Variants in GRM5 observed in about 807,000 individuals in gnomAD.
GRM5 encodes glutamate metabotropic receptor 5.
In GRM5, 19 loss-of-function variants were observed where a neutral mutation model predicts 83.1. That is an observed-to-expected ratio of 0.23 (90% CI 0.16 to 0.34). The LOEUF (loss-of-function observed/expected upper bound fraction) is 0.34, where lower values mean the gene tolerates loss of function less well. Ranked by LOEUF, GRM5 falls within the 10% of genes least tolerant of loss-of-function variation. The probability of loss-of-function intolerance (pLI) is 1.00; values close to 1 mark genes in which losing one functional copy is unlikely to be tolerated. For synonymous variants in GRM5, 675 were observed against 633.6 expected, an observed-to-expected ratio of 1.07 and a Z score of -0.98; for missense variants, 1,160 against 1,588.3, an observed-to-expected ratio of 0.73 and a Z score of 4.58.
chr11:88,687,036 A>T (rs527542257), intron 3 of GRM5, among the ~76,000 whole-genome samples: 1 of 151,964 alleles, frequency 6.6e-6, no homozygotes, highest in African/African-American at 2.4e-5. Context: ...TACTCCCAGC[A>T]TTTCATCTGG....
At chr11:88,528,471 G>A (rs1941930854) in intron 8 of GRM5, among the ~76,000 whole-genome samples, 1 of 151,848 alleles carries the variant, frequency 6.6e-6, no homozygotes, top group Non-Finnish European at 1.5e-5. Context: ...CTCAACTGTT[G>A]AGTTTAAAAA....
intron 9 of GRM5, among the ~76,000 whole-genome samples, chr11:88,514,516 T>C (rs1378181237): frequency 1.3e-5 from 2 of 152,020 alleles, no homozygotes; most frequent in Non-Finnish European, 2.9e-5. Context: ...TGGTACACCA[T>C]CATTAGGAAG....
intron 2 of GRM5, among the ~76,000 whole-genome samples, chr11:88,997,520 G>A (rs1480828861): frequency 2.6e-5 from 4 of 151,624 alleles, no homozygotes; most frequent in Non-Finnish European, 5.9e-5. Context: ...AAAAAAATCA[G>A]TAAAATTGAC....
rs200611230 is a variant in GRM5 at position 88,508,972 on chromosome 11, G to A, written c.3259C>T (p.Pro1087Ser). ...SMMLSTAAPS[P>S]GVGAPLCSSY... Reference sequence around the variant, plus strand: ...GAGCAGAGCGGGGCGCCGACGCCGGGGCTGGGGGCCGCGGTGGACAGCATC... The same window carrying A: ...GAGCAGAGCGGGGCGCCGACGCCGGAGCTGGGGGCCGCGGTGGACAGCATC... The change falls in exon 10 of 10, where the codon CCC (proline) becomes TCC (serine). Residue 1087 changes from proline (P) to serine (S), a missense_variant. Pro to Ser is a moderately conservative substitution (Grantham distance 74). Coordinates refer to ENST00000305447, the MANE Select transcript of GRM5 (RefSeq NM_001143831.3). The surrounding 1 kb of genome is among the most constrained non-coding windows in gnomAD (Gnocchi z 4.2). 6 of 1,587,370 alleles carry A rather than the reference G, an allele frequency of 3.8e-6. No individual in the cohort carries two copies. Among genetic ancestry groups the A allele is most frequent in the Non-Finnish European group, 5.1e-6 (6 of 1,166,866 alleles).
intron 3 of GRM5, among the ~76,000 whole-genome samples, chr11:88,733,667 T>C (rs1941852739): frequency 6.6e-6 from 1 of 152,038 alleles, no homozygotes; most frequent in Admixed American, 6.6e-5. Context: ...TCTTTGTGGT[T>C]ACATATTAAG....
chr11:89,051,149 G>A (rs1163058799), intron 1 of GRM5, among the ~76,000 whole-genome samples: 1 of 151,680 alleles, frequency 6.6e-6, no homozygotes, highest in Non-Finnish European at 1.5e-5. Context: ...CCAGCTACTC[G>A]GGAGGCTGAA....
chr11:89,052,392 T>G (rs528175972), intron 1 of GRM5, among the ~76,000 whole-genome samples: 1 of 152,032 alleles, frequency 6.6e-6, no homozygotes, highest in Admixed American at 6.6e-5. Flanking sequence ...AAAAGTAAGA[T>G]AAAGTGAGAG....
intron 8 of GRM5, among the ~76,000 whole-genome samples, chr11:88,545,979 T>G (rs1942378970): frequency 6.6e-6 from 1 of 152,122 alleles, no homozygotes; most frequent in Non-Finnish European, 1.5e-5. Flanking sequence ...ATTCTCTCCT[T>G]TTCTCATTTT....
intron 2 of GRM5, among the ~76,000 whole-genome samples, chr11:88,939,576 T>C (rs900741667): frequency 2.0e-5 from 3 of 151,860 alleles, no homozygotes; most frequent in South Asian, 2.1e-4. Context: ...GATAACTCCA[T>C]GTACAGCATT....
chr11:88,982,247 G>A (rs1466387445), intron 2 of GRM5, among the ~76,000 whole-genome samples: 1 of 152,160 alleles, frequency 6.6e-6, no homozygotes. Context: ...CAATGTCACT[G>A]CAATAGAATT....
At chr11:89,000,268 A>G (rs548130738) in intron 2 of GRM5, among the ~76,000 whole-genome samples, 1 of 152,244 alleles carries the variant, frequency 6.6e-6, no homozygotes, top group South Asian at 2.1e-4. Context: ...TAGACTAGCT[A>G]AACAATTTTG....
At chr11:88,834,556 T>C (rs551411977) in intron 3 of GRM5, among the ~76,000 whole-genome samples, 7 of 152,142 alleles carry the variant, frequency 4.6e-5, no homozygotes, top group South Asian at 2.1e-4. Flanking sequence ...CTATTTTCCC[T>C]GCCTTTGAAA....
chr11:88,574,902 A>G (rs547159809), intron 7 of GRM5, among the ~76,000 whole-genome samples: 2 of 152,158 alleles, frequency 1.3e-5, no homozygotes, highest in Non-Finnish European at 2.9e-5. Context: ...CAGTAAAGTC[A>G]TTCTTTAGAA....
At chr11:88,976,337 T>C (rs1939334182) in intron 2 of GRM5, among the ~76,000 whole-genome samples, 1 of 152,070 alleles carries the variant, frequency 6.6e-6, no homozygotes, top group African/African-American at 2.4e-5. Flanking sequence ...CTGGCTGGAG[T>C]GTACTTCGGT....
chr11:88,983,154 A>AT (rs1207944774), intron 2 of GRM5, among the ~76,000 whole-genome samples: 2 of 152,184 alleles, frequency 1.3e-5, no homozygotes, highest in Non-Finnish European at 2.9e-5. Flanking sequence ...TCAAATTCAC[A>AT]TTTTTTAAGT....
At chr11:88,787,293 A>T (rs1334322642) in intron 3 of GRM5, among the ~76,000 whole-genome samples, 1 of 151,960 alleles carries the variant, frequency 6.6e-6, no homozygotes, top group African/African-American at 2.4e-5. Context: ...AAAGCAGAGG[A>T]TGGAGTAACT....
intron 2 of GRM5, among the ~76,000 whole-genome samples, chr11:88,948,672 C>G (rs1458808391): frequency 1.4e-4 from 22 of 152,200 alleles, no homozygotes; most frequent in Non-Finnish European, 2.9e-4. Context: ...ATGCACACAC[C>G]CTTTTTATTT....
intron 3 of GRM5, among the ~76,000 whole-genome samples, chr11:88,710,876 G>A (rs1941266626): frequency 6.6e-6 from 1 of 152,004 alleles, no homozygotes; most frequent in South Asian, 2.1e-4. Flanking sequence ...GCTGAAAAAT[G>A]AATTAGAAAA....
In GRM5 at chr11:88,564,777, C is replaced by T. The variant is rs533418803; in HGVS notation, c.2630+2276G>A. Among the ~76,000 whole-genome samples, 6 of 152,302 alleles carry T rather than the reference C, an allele frequency of 3.9e-5. No individual in the cohort carries two copies. In the East Asian group the frequency reaches 1.2e-3, roughly 29 times the overall value. Reference sequence around the variant, plus strand: ...AGCAAGGTAAAGAAGGCCTCCATCCCTAAGGAGCTTGCTCTGCTTAAATTG... The same window carrying T: ...AGCAAGGTAAAGAAGGCCTCCATCCTTAAGGAGCTTGCTCTGCTTAAATTG... On this transcript the variant is annotated intron_variant, in intron 8 of 9. Transcript: ENST00000305447.
Sources: allele counts gnomAD v4.1 joint callset (sites outside exome capture counted in the v4.1 genomes callset), GRCh38; gene constraint gnomAD v4.1.1; non-coding constraint Gnocchi (gnomAD v3.1); transcripts MANE v1.5; gene names NCBI Gene and HGNC (gene_info 2026-07-23, HGNC 2026-07-21).